Variants in RBFOX1 observed in about 807,000 individuals in gnomAD.
RBFOX1 encodes RNA binding protein fox-1 homolog 1.
Under a neutral mutation model 57.7 loss-of-function variants are expected in RBFOX1, and 8 were observed. The ratio of observed to expected loss-of-function variants is 0.14; its 90% CI spans 0.08 to 0.25. The LOEUF (loss-of-function observed/expected upper bound fraction) is 0.25. Among genes scored for constraint, RBFOX1 ranks in the 10% least tolerant of loss-of-function variants. The pLI, the probability that RBFOX1 is intolerant of heterozygous loss-of-function variation, is 1.00. For synonymous variants in RBFOX1, 326 were observed against 222.4 expected, an observed-to-expected ratio of 1.47 and a Z score of -4.15; for missense variants, 611 against 548.5, an observed-to-expected ratio of 1.11 and a Z score of -1.14.
intron 2 of RBFOX1, among the ~76,000 whole-genome samples, chr16:5,515,006 T>A (rs1365048211): frequency 6.6e-6 from 1 of 152,084 alleles, no homozygotes; most frequent in Non-Finnish European, 1.5e-5. Flanking sequence ...GAAGCAGGAA[T>A]GTTACATGGT....
At chr16:5,736,202 C>A (rs1301694882) in intron 3 of RBFOX1, among the ~76,000 whole-genome samples, 30 of 152,154 alleles carry the variant, frequency 2.0e-4, no homozygotes. Context: ...CACCCCCCAT[C>A]CCTTTTGAGC....
At chr16:5,788,900 C>G (rs975927663) in intron 3 of RBFOX1, among the ~76,000 whole-genome samples, 1 of 152,122 alleles carries the variant, frequency 6.6e-6, no homozygotes. Context: ...CTGTTGCACC[C>G]CATATGTAAG....
chr16:7,120,788 T>TA (rs1412304392), intron 4 of RBFOX1, among the ~76,000 whole-genome samples: 1 of 128,728 alleles, frequency 7.8e-6, no homozygotes, highest in African/African-American at 2.7e-5. Flanking sequence ...ATTAATCTGA[T>TA]ACGAAAACCA....
intron 2 of RBFOX1, among the ~76,000 whole-genome samples, chr16:6,354,394 A>T (rs1421538697): frequency 6.6e-6 from 1 of 151,736 alleles, no homozygotes; most frequent in African/African-American, 2.4e-5. Flanking sequence ...ACCACTCATC[A>T]CCTCTCCGCT....
chr16:6,603,479 T>A (rs1480659991), intron 2 of RBFOX1, among the ~76,000 whole-genome samples: 2 of 152,200 alleles, frequency 1.3e-5, no homozygotes, highest in African/African-American at 4.8e-5. Flanking sequence ...TTGCTCTTGC[T>A]TTAGATCAGA....
At position 6,851,867 on chromosome 16, in the gene RBFOX1, C is replaced by G. The variant is rs983869870; in HGVS notation, c.-16+197217C>G. On this transcript the variant is annotated intron_variant, in intron 3 of 15. Transcript: ENST00000550418. ...CTTGCATTCTAGAACAGGGACACCACTATCCTTTAGCTGTATTTTTTGGGG... is the reference window on the plus strand; with the variant it reads ...CTTGCATTCTAGAACAGGGACACCAGTATCCTTTAGCTGTATTTTTTGGGG... 2.0e-5 allele frequency among the ~76,000 whole-genome samples: 3 copies of G among 151,738 alleles called. No homozygotes were observed. In the East Asian group the frequency reaches 5.8e-4, roughly 29 times the overall value.
intron 2 of RBFOX1, among the ~76,000 whole-genome samples, chr16:6,431,124 C>T (rs1236593022): frequency 6.6e-6 from 1 of 151,690 alleles, no homozygotes; most frequent in Non-Finnish European, 1.5e-5. Context: ...GGTGACAGAG[C>T]AAGATCCTAT....
intron 3 of RBFOX1, among the ~76,000 whole-genome samples, chr16:5,807,387 G>C (rs2055265322): frequency 6.6e-6 from 1 of 152,118 alleles, no homozygotes; most frequent in Non-Finnish European, 1.5e-5. Flanking sequence ...CTCCCTGTGA[G>C]CTGGGTCCCT....
At chr16:6,555,500 C>T (rs893452067) in intron 2 of RBFOX1, among the ~76,000 whole-genome samples, 8 of 152,066 alleles carry the variant, frequency 5.3e-5, no homozygotes, top group African/African-American at 1.4e-4. Context: ...GAGATCGAGA[C>T]CATCCTGGCT....
At chr16:5,286,275 G>A (rs1172686096) in intron 1 of RBFOX1, among the ~76,000 whole-genome samples, 6 of 152,190 alleles carry the variant, frequency 3.9e-5, no homozygotes, top group African/African-American at 2.4e-5. Context: ...GTTGCTGGCA[G>A]TGGCAGTACT....
chr16:6,592,252 A>G (rs11645123), intron 2 of RBFOX1, among the ~76,000 whole-genome samples: 57,086 of 152,134 alleles, frequency 0.38, 11,824 homozygotes, highest in Non-Finnish European at 0.46. Context: ...TTTGTGTGGT[A>G]CTAGGCAGTA....
intron 4 of RBFOX1, among the ~76,000 whole-genome samples, chr16:7,291,227 TAACC>T (rs113500325): frequency 2.6e-5 from 4 of 152,272 alleles, no homozygotes; most frequent in African/African-American, 9.6e-5. Flanking sequence ...TACTGTGCCC[TAACC>T]AGCTGAAGGG....
At chr16:7,330,145 G>T (rs1016349462) in intron 4 of RBFOX1, among the ~76,000 whole-genome samples, 1 of 152,050 alleles carries the variant, frequency 6.6e-6, no homozygotes, top group Non-Finnish European at 1.5e-5. Flanking sequence ...CAATATGGTG[G>T]GAGATTGGTT....
chr16:6,196,179 C>A (rs1333562386), intron 1 of RBFOX1, among the ~76,000 whole-genome samples: 1 of 152,150 alleles, frequency 6.6e-6, no homozygotes, highest in Non-Finnish European at 1.5e-5. Context: ...GATGCAGAAA[C>A]TGAGGCCTCA....
At chr16:5,365,673 A>G (rs1413188278) in intron 1 of RBFOX1, 1 of 340,986 alleles carries the variant, frequency 2.9e-6, no homozygotes, top group Non-Finnish European at 5.6e-6. Flanking sequence ...GTCTCAGTAA[A>G]TAAGTAAAAA....
rs141647535 is a variant in RBFOX1 at position 7,536,009 on chromosome 16, A to T, written c.270+17620A>T. 4.3e-4 allele frequency among the ~76,000 whole-genome samples: 65 copies of T among 152,344 alleles called. 1 individual carries two copies. The highest frequency in any genetic ancestry group is 1.5e-3 in the African/African-American group (62 of 41,594). ...ATAGCTTCTCCTTCAAGGAATGTAC[A>T]GTCTACCGTAACACAGAATACACAC... On this transcript the variant is annotated intron_variant, in intron 5 of 15. Coordinates refer to ENST00000550418, the MANE Select transcript of RBFOX1 (RefSeq NM_018723.4).
At chr16:7,379,366 C>G (rs2097746441) in intron 4 of RBFOX1, among the ~76,000 whole-genome samples, 1 of 152,062 alleles carries the variant, frequency 6.6e-6, no homozygotes, top group Admixed American at 6.6e-5. Context: ...AAAAATACTT[C>G]AGTAATAGCC....
chr16:7,573,569 C>T (rs2093011632), intron 5 of RBFOX1, among the ~76,000 whole-genome samples: 1 of 152,176 alleles, frequency 6.6e-6, no homozygotes, highest in Admixed American at 6.5e-5. Context: ...CACAGTGGCT[C>T]AAGCCTGTAA....
chr16:6,332,410 A>G (rs555901610), intron 2 of RBFOX1, among the ~76,000 whole-genome samples: 1 of 152,342 alleles, frequency 6.6e-6, no homozygotes, highest in Non-Finnish European at 1.5e-5. Flanking sequence ...ATATGAATGC[A>G]CAAACAGATA....
Sources: allele counts gnomAD v4.1 joint callset (sites outside exome capture counted in the v4.1 genomes callset), GRCh38; gene constraint gnomAD v4.1.1; transcripts MANE v1.5; gene names NCBI Gene and HGNC (gene_info 2026-07-23, HGNC 2026-07-21).